GABRG3: variants seen among roughly 807,000 people sequenced by gnomAD.
GABRG3 encodes the protein gamma-aminobutyric acid receptor subunit gamma-3.
GABRG3 carries 25 observed loss-of-function variants against 48.8 expected under a neutral mutation model. That is an observed-to-expected ratio of 0.51 (90% CI 0.37 to 0.72). The LOEUF (loss-of-function observed/expected upper bound fraction) is 0.72. Among genes scored for constraint, GABRG3 ranks in the 30% least tolerant of loss-of-function variants. The pLI is 0.00. For missense variants in GABRG3, 394 were observed against 577.9 expected (o/e 0.68, Z 3.26); for synonymous variants, 227 against 217.6 (o/e 1.04, Z -0.38).
intron 2 of GABRG3, among the ~76,000 whole-genome samples, chr15:27,024,786 G>A (rs530154676): frequency 2.0e-5 from 3 of 152,208 alleles, no homozygotes; most frequent in African/African-American, 7.2e-5. Context: ...CAGCACTTTG[G>A]GAGGCTGGGG....
intron 3 of GABRG3, among the ~76,000 whole-genome samples, chr15:27,074,250 A>G (rs1036859022): frequency 6.6e-6 from 1 of 152,136 alleles, no homozygotes; most frequent in Non-Finnish European, 1.5e-5. Context: ...GGGTGAGGAC[A>G]CAGAGCCAAA....
chr15:27,397,082 C>T (rs1887323091), intron 5 of GABRG3, among the ~76,000 whole-genome samples: 1 of 152,024 alleles, frequency 6.6e-6, no homozygotes, highest in South Asian at 2.1e-4. Flanking sequence ...TTTTACGGTA[C>T]ATAAACTTTA....
intron 3 of GABRG3, among the ~76,000 whole-genome samples, chr15:27,157,325 A>G (rs1403059802): frequency 1.3e-5 from 2 of 152,236 alleles, no homozygotes; most frequent in Admixed American, 6.5e-5. Context: ...TCCCCATAAT[A>G]GTTGGTAATA....
chr15:26,978,105 TTTTATTTA>T (rs1008640462), intron 2 of GABRG3, among the ~76,000 whole-genome samples: 1 of 152,132 alleles, frequency 6.6e-6, no homozygotes, highest in South Asian at 2.1e-4. Context: ...TCTTCTTTTA[TTTTATTTA>T]TTTATTTATT....
chr15:27,118,517 A>C (rs1897680759), intron 3 of GABRG3, among the ~76,000 whole-genome samples: 1 of 152,210 alleles, frequency 6.6e-6, no homozygotes, highest in South Asian at 2.1e-4. Context: ...TGTACTTAAT[A>C]TACAACTACT....
rs1159452655 is a variant in GABRG3, at chr15:27,306,842, T to A, written c.271-19967T>A. ...TATATAAACATACAATATAAACATG[T>A]TTATATATAAACATACAATATAAAC... On this transcript the variant is annotated intron_variant, in intron 3 of 9. Coordinates refer to ENST00000615808, the MANE Select transcript of GABRG3 (RefSeq NM_033223.5). Among the ~76,000 whole-genome samples, 6 of 85,806 alleles carry A rather than the reference T, an allele frequency of 7.0e-5. 1 individual carries two copies. The East Asian group carries it at 2.2e-3, about 31-fold the overall frequency. The allele number at this position is 85,806 out of a possible 152,430, so 56.3% of individuals were successfully genotyped here.
At chr15:27,164,047 A>G (rs1163278416) in intron 3 of GABRG3, among the ~76,000 whole-genome samples, 4 of 152,240 alleles carry the variant, frequency 2.6e-5, no homozygotes, top group African/African-American at 7.2e-5. Flanking sequence ...GTAATTACAC[A>G]TAGAATAAAT....
intron 3 of GABRG3, among the ~76,000 whole-genome samples, chr15:27,173,426 A>G (rs1365047961): frequency 6.6e-6 from 1 of 152,126 alleles, no homozygotes; most frequent in East Asian, 1.9e-4. Flanking sequence ...ATATGGGTTG[A>G]TTTAGTTTTA....
At chr15:27,102,256 T>C (rs1484666071) in intron 3 of GABRG3, among the ~76,000 whole-genome samples, 1 of 152,224 alleles carries the variant, frequency 6.6e-6, no homozygotes, top group African/African-American at 2.4e-5. Context: ...TGAAAATTGC[T>C]GTGTTCTACA....
rs59332133 is a variant in GABRG3 at position 27,062,265 on chromosome 15, A to C, written c.270+35444A>C. On this transcript the variant is annotated intron_variant, in intron 3 of 9. Transcript: ENST00000615808. ...GCTGTGCTTATATGTGCAGGTGGGC[A>C]TGTGGGTGCTGGTGAGTTCACCCTG... Among the ~76,000 whole-genome samples the C allele has an allele frequency of 3.2e-3, 484 of 151,886 alleles. 4 individuals carry two copies. Among genetic ancestry groups the C allele is most frequent in the African/African-American group, 0.011 (467 of 41,472 alleles).
At chr15:27,249,400 G>A (rs1890383832) in intron 3 of GABRG3, among the ~76,000 whole-genome samples, 1 of 152,312 alleles carries the variant, frequency 6.6e-6, no homozygotes. Context: ...CCTCACCTGG[G>A]CCTTGCAGAG....
intron 2 of GABRG3, among the ~76,000 whole-genome samples, chr15:26,991,425 T>C (rs1414927724): frequency 6.6e-6 from 1 of 152,178 alleles, no homozygotes; most frequent in Non-Finnish European, 1.5e-5. Flanking sequence ...TCCATATACA[T>C]TTTAGGATAG....
intron 5 of GABRG3, among the ~76,000 whole-genome samples, chr15:27,377,816 T>C (rs1322336101): frequency 6.6e-6 from 1 of 152,218 alleles, no homozygotes; most frequent in Non-Finnish European, 1.5e-5. Flanking sequence ...AAAGCTTGTA[T>C]ATATGGAGTC....
Position 27,486,034 on chromosome 15 carries a change from C to A in GABRG3, c.712+5247C>A, listed in dbSNP as rs967993033. 3.3e-5 allele frequency among the ~76,000 whole-genome samples: 5 copies of A among 152,252 alleles called. 1 individual carries two copies. Among genetic ancestry groups the A allele is most frequent in the African/African-American group, 1.2e-4 (5 of 41,554 alleles). On this transcript the variant is annotated intron_variant, in intron 6 of 9. Coordinates refer to ENST00000615808, the MANE Select transcript of GABRG3 (RefSeq NM_033223.5). ...TGTCTAAAATAATTTGGGTAGAATGCGCAGCGTTTTTTTCTTACCCACAGC... is the reference window on the plus strand; with the variant it reads ...TGTCTAAAATAATTTGGGTAGAATGAGCAGCGTTTTTTTCTTACCCACAGC...
rs1436344349 is a variant in GABRG3, at chr15:27,541,023, GGAGA to G, written c.*8149_*8152del. 1.3e-5 allele frequency: 2 copies of G among 152,234 alleles called. No homozygotes were observed. Among genetic ancestry groups the G allele is most frequent in the Non-Finnish European group, 2.9e-5 (2 of 68,098 alleles). The allele number at this position is 152,234 out of a possible 1,614,324, so 9.4% of individuals were successfully genotyped here. A position where few individuals can be genotyped will look rare whatever the true frequency, so the allele number is the denominator to read the frequency against. ...GGAGAGGGAGAAAGAGAGGACAGAG[GGAGA>G]GAGAGAAAGTGGCAATCTGTACATT... is the stretch of plus-strand genomic sequence containing the variant. On this transcript the variant is annotated 3_prime_UTR_variant, in exon 10 of 10. Transcript: ENST00000615808.
intron 5 of GABRG3, among the ~76,000 whole-genome samples, chr15:27,477,876 C>T (rs573967059): frequency 4.6e-5 from 7 of 151,830 alleles, no homozygotes; most frequent in African/African-American, 1.4e-4. Context: ...CCGTCTCTAC[C>T]CAAAATACAA....
intron 3 of GABRG3, among the ~76,000 whole-genome samples, chr15:27,143,373 T>C (rs1595548777): frequency 6.6e-6 from 1 of 152,320 alleles, no homozygotes; most frequent in Non-Finnish European, 1.5e-5. Flanking sequence ...AGCTACCATA[T>C]CTGGCTGGGT....
intron 5 of GABRG3, among the ~76,000 whole-genome samples, chr15:27,465,147 G>A (rs548036649): frequency 6.6e-6 from 1 of 152,294 alleles, no homozygotes; most frequent in Admixed American, 6.5e-5. Flanking sequence ...CTCAGCTGCT[G>A]GTGGAGGGGG....
intron 6 of GABRG3, among the ~76,000 whole-genome samples, chr15:27,490,641 T>C (rs550199467): frequency 1.3e-5 from 2 of 152,332 alleles, no homozygotes; most frequent in South Asian, 4.1e-4. Context: ...TTACTGGTTC[T>C]ATTTCAGCTG....
Sources: gnomAD v4.1 joint callset for allele counts (sites outside exome capture counted in the v4.1 genomes callset) on GRCh38, gnomAD v4.1.1 for gene constraint, MANE v1.5 for transcripts, NCBI Gene and HGNC (gene_info 2026-07-23, HGNC 2026-07-21) for gene names.